Variants in ASAP1 observed in about 807,000 individuals in gnomAD.
The protein encoded by ASAP1 is ArfGAP with SH3 domain, ankyrin repeat and PH domain 1.
In ASAP1, 43 loss-of-function variants were observed where a neutral mutation model predicts 145.2. That is an observed-to-expected ratio of 0.30 (90% CI 0.23 to 0.38). The LOEUF (loss-of-function observed/expected upper bound fraction) is 0.38, where lower values mean the gene tolerates loss of function less well. Ranked by LOEUF, ASAP1 falls within the 10% of genes least tolerant of loss-of-function variation. The pLI is 1.00. For synonymous variants in ASAP1, 546 were observed against 515.5 expected (o/e 1.06, Z -0.80); for missense variants, 1,018 against 1,355.3 (o/e 0.75, Z 3.91).
chr8:130,069,678 C>A (rs139958987), intron 27 of ASAP1: 2 of 152,186 alleles, frequency 1.3e-5, no homozygotes, highest in African/African-American at 4.8e-5. Context: ...ACAACATTAT[C>A]GAAGCTTGGG....
At chr8:130,124,716 T>C (rs1472680366) in intron 17 of ASAP1, among the ~76,000 whole-genome samples, 1 of 152,212 alleles carries the variant, frequency 6.6e-6, no homozygotes, top group Non-Finnish European at 1.5e-5. Context: ...ATGCAAAGTT[T>C]AAGAAACATA....
chr8:130,222,862 C>G (rs1424573175), intron 4 of ASAP1, among the ~76,000 whole-genome samples: 1 of 152,114 alleles, frequency 6.6e-6, no homozygotes, highest in Non-Finnish European at 1.5e-5. Context: ...GACCCCAAAG[C>G]CTGTGCTCCT....
intron 3 of ASAP1, among the ~76,000 whole-genome samples, chr8:130,250,626 G>A (rs1819134883): frequency 6.6e-6 from 1 of 152,058 alleles, no homozygotes; most frequent in African/African-American, 2.4e-5. Flanking sequence ...TGTGGGTTTT[G>A]TTTTGTTTTA....
chr8:130,187,560 C>T (rs901286410), intron 6 of ASAP1, among the ~76,000 whole-genome samples: 1 of 151,924 alleles, frequency 6.6e-6, no homozygotes, highest in Non-Finnish European at 1.5e-5. Context: ...GAACTACAGG[C>T]ACTCACCACC....
intron 3 of ASAP1, among the ~76,000 whole-genome samples, chr8:130,293,240 T>C (rs907680945): frequency 2.0e-5 from 3 of 152,212 alleles, no homozygotes; most frequent in Non-Finnish European, 4.4e-5. Context: ...TTCAGCATTC[T>C]GAAGATGCTC....
At chr8:130,305,118 A>T (rs1822913127) in intron 3 of ASAP1, among the ~76,000 whole-genome samples, 1 of 152,132 alleles carries the variant, frequency 6.6e-6, no homozygotes, top group African/African-American at 2.4e-5. Flanking sequence ...AAGTTTGCTC[A>T]TGAAGTCTCC....
chr8:130,082,004 C>G (rs1315857058), intron 25 of ASAP1, among the ~76,000 whole-genome samples: 1 of 152,136 alleles, frequency 6.6e-6, no homozygotes, highest in African/African-American at 2.4e-5. Context: ...TGGTAAGGGT[C>G]AAAGCTGGGA....
chr8:130,425,021 A>T (rs7010399), intron 1 of ASAP1, among the ~76,000 whole-genome samples: 41,833 of 148,476 alleles, frequency 0.28, 6,558 homozygotes, highest in African/African-American at 0.4. Flanking sequence ...AATAAATAAA[A>T]AAAAGAGTGG....
At chr8:130,121,784 CAAAAAAAAAA>C (rs56996962) in intron 18 of ASAP1, among the ~76,000 whole-genome samples, 12 of 25,410 alleles carry the variant, frequency 4.7e-4, no homozygotes, top group Admixed American at 4.5e-3. Flanking sequence ...AATTCCATCT[CAAAAAAAAAA>C]AAAAAAAAAA....
At chr8:130,352,687 T>G (rs183004347) in intron 3 of ASAP1, among the ~76,000 whole-genome samples, 1 of 152,342 alleles carries the variant, frequency 6.6e-6, no homozygotes, top group Admixed American at 6.5e-5. Flanking sequence ...GCTGTAATCC[T>G]GAATTTCTTC....
intron 15 of ASAP1, 53 bp from the exon 16 acceptor site, chr8:130,128,143 T>A: frequency 3.7e-6 from 2 of 546,006 alleles, no homozygotes; most frequent in Non-Finnish European, 4.8e-6. Context: ...ATGGTCATTT[T>A]TTTTTTTTTT....
intron 3 of ASAP1, among the ~76,000 whole-genome samples, chr8:130,282,393 T>A (rs1388663144): frequency 6.6e-6 from 1 of 152,222 alleles, no homozygotes; most frequent in African/African-American, 2.4e-5. Context: ...ATTCCTCCTT[T>A]TAGAAATGGC....
intron 4 of ASAP1, among the ~76,000 whole-genome samples, chr8:130,220,824 C>T (rs1230010898): frequency 6.6e-6 from 1 of 152,154 alleles, no homozygotes; most frequent in Non-Finnish European, 1.5e-5. Context: ...CATCCTTCTT[C>T]ACATGGTAAC....
At chr8:130,348,430 G>A (rs1369828344) in intron 3 of ASAP1, among the ~76,000 whole-genome samples, 1 of 152,152 alleles carries the variant, frequency 6.6e-6, no homozygotes, top group Non-Finnish European at 1.5e-5. Context: ...ACATATTCCA[G>A]TTCTTTGGGG....
intron 3 of ASAP1, among the ~76,000 whole-genome samples, chr8:130,312,909 A>C (rs896754466): frequency 9.9e-5 from 15 of 152,232 alleles, no homozygotes; most frequent in Admixed American, 9.8e-4. Context: ...AAAGACATCA[A>C]ATGAAGGCCA....
intron 5 of ASAP1, among the ~76,000 whole-genome samples, chr8:130,195,822 T>A (rs1324518630): frequency 3.3e-5 from 5 of 152,278 alleles, no homozygotes; most frequent in Admixed American, 3.3e-4. Flanking sequence ...TAGCCCGTTA[T>A]CCTAGTCACT....
intron 11 of ASAP1, among the ~76,000 whole-genome samples, chr8:130,162,347 T>TG (rs1180109626): frequency 6.6e-6 from 1 of 152,162 alleles, no homozygotes; most frequent in African/African-American, 2.4e-5. Context: ...AGTGTGTTCA[T>TG]AATCCTAATG....
chr8:130,177,349 T>C (rs1221496723), intron 9 of ASAP1, among the ~76,000 whole-genome samples: 2 of 152,268 alleles, frequency 1.3e-5, no homozygotes, highest in Non-Finnish European at 2.9e-5. Context: ...GAATTTAACG[T>C]GAAAATAGAT....
intron 3 of ASAP1, among the ~76,000 whole-genome samples, chr8:130,248,652 A>G (rs1249305319): frequency 6.6e-6 from 1 of 152,148 alleles, no homozygotes; most frequent in East Asian, 1.9e-4. Context: ...TGGAAGGTAA[A>G]GGGGCAAGAC....
Sources: allele counts gnomAD v4.1 joint callset (sites outside exome capture counted in the v4.1 genomes callset), GRCh38; gene constraint gnomAD v4.1.1; transcripts MANE v1.5; gene names NCBI Gene and HGNC (gene_info 2026-07-23, HGNC 2026-07-21).